Variants in SPMIP7 observed in about 807,000 individuals in gnomAD.
SPMIP7 encodes the protein protein SPMIP7.
At chr7:50,123,520 A>T in the SPMIP7 span, among the ~76,000 whole-genome samples, 4 of 151,036 alleles carry the variant, frequency 2.6e-5, no homozygotes, top group Non-Finnish European at 5.9e-5. Flanking sequence ...ATACATATGT[A>T]ACTAACATGC....
chr7:50,143,159 A>AT, the SPMIP7 span, among the ~76,000 whole-genome samples: 1,238 of 113,580 alleles, frequency 0.011, 20 homozygotes, highest in African/African-American at 0.028. Flanking sequence ...AGTGAAAGCC[A>AT]TTTTTTTTTT....
the SPMIP7 span, among the ~76,000 whole-genome samples, chr7:50,099,826 A>G: frequency 1.3e-5 from 2 of 152,122 alleles, no homozygotes; most frequent in East Asian, 3.9e-4. Context: ...TATGGCGACT[A>G]TCTCTAGATC....
the SPMIP7 span, among the ~76,000 whole-genome samples, chr7:50,101,739 C>T: frequency 1.3e-5 from 2 of 152,152 alleles, no homozygotes; most frequent in Non-Finnish European, 2.9e-5. Context: ...AAAATGCCAT[C>T]CTGTTGCTTG....
the SPMIP7 span, chr7:50,096,242 T>C: frequency 2.0e-5 from 31 of 1,551,636 alleles, no homozygotes; most frequent in Admixed American, 5.9e-5. Flanking sequence ...CAGACATAAC[T>C]ATGGCAGGTT....
the SPMIP7 span, among the ~76,000 whole-genome samples, chr7:50,125,993 C>T: frequency 6.6e-6 from 1 of 152,086 alleles, no homozygotes; most frequent in African/African-American, 2.4e-5. Flanking sequence ...CATACACACA[C>T]ACAAATGATA....
At chr7:50,128,387 C>T in the SPMIP7 span, among the ~76,000 whole-genome samples, 1 of 151,782 alleles carries the variant, frequency 6.6e-6, no homozygotes, top group Non-Finnish European at 1.5e-5. Flanking sequence ...TAATTAAGAC[C>T]ATGTTTGATA....
the SPMIP7 span, among the ~76,000 whole-genome samples, chr7:50,110,092 C>T: frequency 6.6e-6 from 1 of 151,732 alleles, no homozygotes; most frequent in African/African-American, 2.4e-5. Flanking sequence ...TTTGTAATTC[C>T]ATATCTGAAT....
chr7:50,135,722 C>T, the SPMIP7 span, among the ~76,000 whole-genome samples: 1 of 152,182 alleles, frequency 6.6e-6, no homozygotes, highest in Non-Finnish European at 1.5e-5. Flanking sequence ...AGCTTAGGAT[C>T]TAGGCTCGTT....
the SPMIP7 span, chr7:50,134,391 C>A: frequency 1.7e-6 from 1 of 605,232 alleles, no homozygotes; most frequent in Non-Finnish European, 2.7e-6. Flanking sequence ...TATATACACA[C>A]ACACACACAC....
the SPMIP7 span, chr7:50,141,769 G>C: frequency 8.3e-6 from 1 of 121,186 alleles, no homozygotes; most frequent in Non-Finnish European, 1.5e-5. Flanking sequence ...TCGCTCAGTC[G>C]CCCAGGCTGG....
At chr7:50,130,449 G>A in the SPMIP7 span, among the ~76,000 whole-genome samples, 1 of 152,036 alleles carries the variant, frequency 6.6e-6, no homozygotes, top group Admixed American at 6.6e-5. Context: ...CGGTATGGGG[G>A]AAACTGCCCC....
the SPMIP7 span, chr7:50,141,588 T>C: frequency 2.0e-6 from 1 of 506,932 alleles, no homozygotes; most frequent in Non-Finnish European, 3.6e-6. Context: ...CTTGAGCAAG[T>C]CACTTTATCT....
At chr7:50,152,668 A>ATTTATTTATTTG in the SPMIP7 span, among the ~76,000 whole-genome samples, 1 of 136,620 alleles carries the variant, frequency 7.3e-6, no homozygotes, top group South Asian at 2.7e-4. Context: ...CACACATTTT[A>ATTTATTTATTTG]TTTATTTATT....
the SPMIP7 span, among the ~76,000 whole-genome samples, chr7:50,135,104 G>C: frequency 6.6e-6 from 1 of 152,144 alleles, no homozygotes; most frequent in Non-Finnish European, 1.5e-5. Flanking sequence ...GCTTTGCAAA[G>C]AGTCTTCCAC....
At chr7:50,141,578 C>T in the SPMIP7 span, 17 of 533,274 alleles carry the variant, frequency 3.2e-5, no homozygotes, top group Non-Finnish European at 4.8e-5. Flanking sequence ...ACTTGGGGCC[C>T]TTGAGCAAGT....
chr7:50,099,964 A>C, the SPMIP7 span, among the ~76,000 whole-genome samples: 1 of 152,134 alleles, frequency 6.6e-6, no homozygotes, highest in Non-Finnish European at 1.5e-5. Context: ...ACTACCGAGA[A>C]GTTGGGGTGC....
At chr7:50,157,483 T>C in the SPMIP7 span, among the ~76,000 whole-genome samples, 1 of 152,160 alleles carries the variant, frequency 6.6e-6, no homozygotes, top group Non-Finnish European at 1.5e-5. Flanking sequence ...AAACTTGCCT[T>C]CCCACCTCTG....
chr7:50,101,997 G>A, the SPMIP7 span, among the ~76,000 whole-genome samples: 2 of 152,112 alleles, frequency 1.3e-5, no homozygotes, highest in Admixed American at 1.3e-4. Flanking sequence ...ACGTCATCTC[G>A]GTCTTCTGTT....
At chr7:50,137,642 GC>G in the SPMIP7 span, among the ~76,000 whole-genome samples, 1 of 151,888 alleles carries the variant, frequency 6.6e-6, no homozygotes, top group East Asian at 1.9e-4. Flanking sequence ...AAGTGCTTGG[GC>G]TCCCATTACT....
Sources: allele counts gnomAD v4.1 joint callset (sites outside exome capture counted in the v4.1 genomes callset), GRCh38; gene constraint gnomAD v4.1.1; transcripts MANE v1.5; gene names NCBI Gene and HGNC (gene_info 2026-07-23, HGNC 2026-07-21).